Variants in DAB1 observed in about 807,000 individuals in gnomAD.
DAB1 encodes the protein DAB adaptor protein 1.
Under a neutral mutation model 64.6 loss-of-function variants are expected in DAB1, and 15 were observed. That is an observed-to-expected ratio of 0.23 (90% CI 0.16 to 0.36). DAB1 has a LOEUF of 0.36. Among genes scored for constraint, DAB1 ranks in the 10% least tolerant of loss-of-function variants. The pLI, the probability that DAB1 is intolerant of heterozygous loss-of-function variation, is 1.00. For missense variants in DAB1, 596 were observed against 706.7 expected, an observed-to-expected ratio of 0.84 and a Z score of 1.78; for synonymous variants, 235 against 251.9, an observed-to-expected ratio of 0.93 and a Z score of 0.64.
intron 7 of DAB1, among the ~76,000 whole-genome samples, chr1:57,466,525 T>C (rs1049411621): frequency 1.3e-5 from 2 of 152,228 alleles, no homozygotes; most frequent in African/African-American, 4.8e-5. Context: ...TAGTTTTCAA[T>C]TGCTGCATAA....
chr1:57,878,930 T>C (rs1260459812), intron 1 of DAB1, among the ~76,000 whole-genome samples: 1 of 152,212 alleles, frequency 6.6e-6, no homozygotes, highest in Non-Finnish European at 1.5e-5. Context: ...GTGATGTTTG[T>C]CTTCCTGGGC....
chr1:57,164,502 A>G (rs1356800150), intron 2 of DAB1, among the ~76,000 whole-genome samples: 2 of 151,972 alleles, frequency 1.3e-5, no homozygotes, highest in Non-Finnish European at 2.9e-5. Context: ...TTACCTGGAG[A>G]TGGTGACACC....
At chr1:58,433,531 A>T (rs1384231377) in intron 3 of DAB1, among the ~76,000 whole-genome samples, 1 of 150,254 alleles carries the variant, frequency 6.7e-6, no homozygotes, top group Non-Finnish European at 1.5e-5. Flanking sequence ...GCGACATCCC[A>T]TGGTAGAAGG....
intron 14 of DAB1, among the ~76,000 whole-genome samples, chr1:57,002,780 G>C (rs184220481): frequency 5.3e-5 from 8 of 152,166 alleles, no homozygotes; most frequent in African/African-American, 1.9e-4. Flanking sequence ...AGAGGCTGCT[G>C]TTCTTTTTCT....
rs1200432305 is a variant in DAB1 at position 57,144,631 on chromosome 1, T to C, written c.207+659A>G. 2.0e-5 allele frequency among the ~76,000 whole-genome samples: 3 copies of C among 151,804 alleles called. No homozygotes were observed. In the East Asian group the frequency reaches 5.8e-4, roughly 29 times the overall value. ...ATTGCTTGAACCCAGGAGGCGGAAG[T>C]TGCAGTGAGCCGAGATTGCGCCACT... On this transcript the variant is annotated intron_variant, in intron 3 of 14. Coordinates refer to ENST00000371236, the MANE Select transcript of DAB1 (RefSeq NM_001365792.1).
At chr1:57,521,360 G>A (rs960307185) in intron 7 of DAB1, among the ~76,000 whole-genome samples, 3 of 152,290 alleles carry the variant, frequency 2.0e-5, no homozygotes, top group Non-Finnish European at 4.4e-5. Context: ...CCACAAAAGA[G>A]GGAGGCAGAT....
At chr1:57,377,993 G>A (rs1558269078) in intron 1 of DAB1, among the ~76,000 whole-genome samples, 1 of 152,172 alleles carries the variant, frequency 6.6e-6, no homozygotes, top group Non-Finnish European at 1.5e-5. Context: ...TGGGAGATGG[G>A]AAATAAACTT....
At chr1:57,950,163 T>A (rs934200888) in intron 5 of DAB1, among the ~76,000 whole-genome samples, 28 of 152,200 alleles carry the variant, frequency 1.8e-4, no homozygotes, top group African/African-American at 6.8e-4. Flanking sequence ...GGGACCAGAC[T>A]GGCCTCAGAT....
intron 7 of DAB1, among the ~76,000 whole-genome samples, chr1:57,616,709 C>T (rs1261448889): frequency 8.6e-5 from 13 of 152,002 alleles, no homozygotes; most frequent in Admixed American, 5.2e-4. Context: ...CTGTGATGGC[C>T]GTATCTATCC....
intron 5 of DAB1, among the ~76,000 whole-genome samples, chr1:58,058,863 C>T (rs187120660): frequency 3.2e-4 from 49 of 152,326 alleles, no homozygotes; most frequent in Non-Finnish European, 4.3e-4. Context: ...TAAATATGTA[C>T]TAAGTGCCAG....
intron 1 of DAB1, among the ~76,000 whole-genome samples, chr1:58,528,475 T>A (rs1460953244): frequency 6.6e-6 from 1 of 152,254 alleles, no homozygotes; most frequent in Non-Finnish European, 1.5e-5. Context: ...TGCTTTAAAT[T>A]AATGATTCTA....
chr1:57,267,277 G>T (rs1670658033), intron 2 of DAB1, among the ~76,000 whole-genome samples: 2 of 151,830 alleles, frequency 1.3e-5, no homozygotes, highest in Non-Finnish European at 2.9e-5. Flanking sequence ...GGGAGTGAGT[G>T]CAACCCTGCC....
rs141227691 is a variant in DAB1, at chr1:57,104,424, A to G, written c.307-32010T>C. ...TGCACCAGTCAATTTAAAAATTTCAATTAACTTTTGCTGATTTTTAATAGT... is the reference window on the plus strand; with the variant it reads ...TGCACCAGTCAATTTAAAAATTTCAGTTAACTTTTGCTGATTTTTAATAGT... On this transcript the variant is annotated intron_variant, in intron 4 of 14. Transcript: ENST00000371236. Among the ~76,000 whole-genome samples, 312 of 152,360 alleles carry G rather than the reference A, an allele frequency of 2.0e-3. 2 individuals carry two copies. The highest frequency in any genetic ancestry group is 7.2e-3 in the African/African-American group (299 of 41,584).
intron 4 of DAB1, among the ~76,000 whole-genome samples, chr1:57,096,315 C>G (rs1654161173): frequency 6.6e-6 from 1 of 152,164 alleles, no homozygotes; most frequent in Non-Finnish European, 1.5e-5. Flanking sequence ...TCTTCCCTGG[C>G]TCCTCTCAGA....
At chr1:58,196,688 G>A (rs1274382597) in intron 4 of DAB1, among the ~76,000 whole-genome samples, 1 of 152,158 alleles carries the variant, frequency 6.6e-6, no homozygotes, top group Non-Finnish European at 1.5e-5. Flanking sequence ...GGCAGCAGGA[G>A]AGAGGAGAGA....
At position 57,255,724 on chromosome 1, in the gene DAB1, A is replaced by G. The variant is rs553148629; in HGVS notation, c.67+35240T>C. 2.6e-5 allele frequency among the ~76,000 whole-genome samples: 4 copies of G among 152,318 alleles called. No homozygotes were observed. The East Asian group carries it at 5.8e-4, about 22-fold the overall frequency. On this transcript the variant is annotated intron_variant, in intron 2 of 14. Coordinates refer to ENST00000371236, the MANE Select transcript of DAB1 (RefSeq NM_001365792.1). ...AATATTCTACCTTCTTACGGAGTCT[A>G]CAGACTAAACCAGAATATTATCCCA...
At chr1:57,400,133 G>T (rs1009158577) in intron 1 of DAB1, among the ~76,000 whole-genome samples, 9 of 152,158 alleles carry the variant, frequency 5.9e-5, no homozygotes, top group African/African-American at 1.9e-4. Context: ...AACGCAAAGG[G>T]CTTGTCCATG....
intron 4 of DAB1, among the ~76,000 whole-genome samples, chr1:58,222,649 T>C (rs1456138009): frequency 4.6e-5 from 7 of 152,176 alleles, no homozygotes; most frequent in African/African-American, 1.7e-4. Flanking sequence ...TTGCCTAAGG[T>C]CACACAGCTA....
chr1:57,266,411 G>T (rs988058102), intron 2 of DAB1, among the ~76,000 whole-genome samples: 20 of 152,024 alleles, frequency 1.3e-4, no homozygotes, highest in Admixed American at 9.2e-4. Context: ...CTCAATACAT[G>T]GAGTGTCTCA....
Sources: gnomAD v4.1 joint callset for allele counts (sites outside exome capture counted in the v4.1 genomes callset) on GRCh38, gnomAD v4.1.1 for gene constraint, MANE v1.5 for transcripts, NCBI Gene and HGNC (gene_info 2026-07-23, HGNC 2026-07-21) for gene names.